ZDHHC15: variants seen among roughly 807,000 people sequenced by gnomAD.
ZDHHC15 encodes the protein palmitoyltransferase ZDHHC15.
A neutral mutation model predicts 31.7 loss-of-function variants in ZDHHC15; 19 were observed. The ratio of observed to expected loss-of-function variants is 0.60; its 90% CI spans 0.42 to 0.88. ZDHHC15 has a LOEUF of 0.88. Ranked by LOEUF, ZDHHC15 falls within the 40% of genes least tolerant of loss-of-function variation. The probability of loss-of-function intolerance (pLI) is 0.00; values close to 1 mark genes in which losing one functional copy is unlikely to be tolerated. For synonymous variants in ZDHHC15, 103 were observed against 90.0 expected (o/e 1.14, Z -0.82); for missense variants, 209 against 251.2 (o/e 0.83, Z 1.14).
intron 2 of ZDHHC15, among the ~76,000 whole-genome samples, chrX:75,492,873 T>G (rs2084922435): frequency 1.8e-5 from 2 of 111,021 alleles, no homozygotes; most frequent in African/African-American, 6.6e-5. Flanking sequence ...TTAAAAGAAC[T>G]AGAGAAGCAA....
At chrX:75,411,370 G>A (rs756520144) in intron 10 of ZDHHC15, among the ~76,000 whole-genome samples, 4 of 110,986 alleles carry the variant, frequency 3.6e-5, no homozygotes, top group African/African-American at 1.3e-4. Context: ...CCACCGCCAC[G>A]CCCGGCTAAT....
At chrX:75,483,741 G>C (rs2084731474) in intron 2 of ZDHHC15, among the ~76,000 whole-genome samples, 1 of 111,235 alleles carries the variant, frequency 9.0e-6, no homozygotes, top group South Asian at 3.8e-4. Flanking sequence ...ATGGATAGTT[G>C]AAATATCATT....
chrX:75,457,651 A>T (rs981171134), intron 3 of ZDHHC15, among the ~76,000 whole-genome samples: 2 of 108,565 alleles, frequency 1.8e-5, no homozygotes, highest in Non-Finnish European at 3.8e-5. Flanking sequence ...ACACTCACAC[A>T]CACACACACA....
intron 10 of ZDHHC15, among the ~76,000 whole-genome samples, chrX:75,398,874 C>CT (rs1417377630): frequency 1.8e-5 from 2 of 111,343 alleles, no homozygotes; most frequent in South Asian, 3.8e-4. Context: ...CAGGATCAGA[C>CT]TGCTTTTTAA....
chrX:75,433,697 G>GTA (rs779122973), intron 4 of ZDHHC15, among the ~76,000 whole-genome samples: 6 of 6,631 alleles, frequency 9.0e-4, no homozygotes, highest in Admixed American at 3.9e-3. Context: ...GTGTGTGTGT[G>GTA]TATATATATA....
In ZDHHC15 at chrX:75,411,808, T is replaced by G. The variant is rs909593455; in HGVS notation, c.967+5279A>C. On this transcript the variant is annotated intron_variant, in intron 10 of 11. Coordinates refer to ENST00000373367, the MANE Select transcript of ZDHHC15 (RefSeq NM_144969.3). Reference sequence around the variant, plus strand: ...AAAAAAAAGAAACAAGAAACTGGAATTTTGAAATCTTAAAAAAATGAAAAT... The same window carrying G: ...AAAAAAAAGAAACAAGAAACTGGAAGTTTGAAATCTTAAAAAAATGAAAAT... Among the ~76,000 whole-genome samples, 8 of 111,972 alleles carry G rather than the reference T, an allele frequency of 7.1e-5. No homozygotes were observed. The East Asian group carries it at 1.7e-3, about 23-fold the overall frequency.
intron 9 of ZDHHC15, among the ~76,000 whole-genome samples, chrX:75,418,209 T>C (rs2083571452): frequency 9.0e-6 from 1 of 111,555 alleles, no homozygotes; most frequent in African/African-American, 3.3e-5. Flanking sequence ...TATAGACAGG[T>C]TAGTTGGATA....
At chrX:75,424,438 G>T (rs998618132) in intron 8 of ZDHHC15, among the ~76,000 whole-genome samples, 1 of 111,010 alleles carries the variant, frequency 9.0e-6, no homozygotes, top group Non-Finnish European at 1.9e-5. Context: ...TCTGTGTGGG[G>T]TTTCATTAAA....
chrX:75,444,080 A>C (rs1395577986), intron 4 of ZDHHC15, among the ~76,000 whole-genome samples: 1 of 111,199 alleles, frequency 9.0e-6, no homozygotes, highest in East Asian at 2.8e-4. Context: ...GGGATCTAGA[A>C]CTAGAAATGC....
chrX:75,376,168 C>A (rs1290465369), intron 11 of ZDHHC15, among the ~76,000 whole-genome samples: 1 of 109,653 alleles, frequency 9.1e-6, no homozygotes, highest in African/African-American at 3.3e-5. Flanking sequence ...TGATGATGAG[C>A]ATTTTTTTTC....
rs139692885 is a variant in ZDHHC15, at chrX:75,469,053, CTTTT to C, written c.258+9834_258+9837del. 2.8e-3 allele frequency among the ~76,000 whole-genome samples: 293 copies of C among 106,459 alleles called. 1 individual carries two copies. Among genetic ancestry groups the C allele is most frequent in the Non-Finnish European group, 4.9e-3 (254 of 51,768 alleles). 92.4% of individuals were successfully genotyped at this position (106,459 alleles called of 115,157 possible). On this transcript the variant is annotated intron_variant, in intron 3 of 11. Transcript: ENST00000373367. Reference sequence around the variant, plus strand: ...ATAGTGTTGTTTGATGTACAAAAGGCTTTTTTTTTTAACTTTGATGAAGTCAAAT... The same window carrying C: ...ATAGTGTTGTTTGATGTACAAAAGGCTTTTTTAACTTTGATGAAGTCAAAT...
intron 1 of ZDHHC15, among the ~76,000 whole-genome samples, chrX:75,521,383 T>A (rs1219395908): frequency 1.8e-5 from 2 of 110,841 alleles, no homozygotes; most frequent in Non-Finnish European, 3.8e-5. Flanking sequence ...GACCCTATTG[T>A]AACAAGACAG....
At chrX:75,475,972 T>C (rs1393201022) in intron 3 of ZDHHC15, among the ~76,000 whole-genome samples, 1 of 111,805 alleles carries the variant, frequency 8.9e-6, no homozygotes, top group Non-Finnish European at 1.9e-5. Context: ...TTTTTGGTGC[T>C]ATTATAAATG....
At chrX:75,379,343 G>A in intron 10 of ZDHHC15, 145 bp from the exon 11 acceptor site, 1 of 538,158 alleles carries the variant, frequency 1.9e-6, no homozygotes, top group Non-Finnish European at 3.1e-6. Context: ...TAACACAGAA[G>A]CATTTGTAAC....
chrX:75,453,944 C>T (rs180689727), intron 3 of ZDHHC15, among the ~76,000 whole-genome samples: 1 of 111,440 alleles, frequency 9.0e-6, no homozygotes, highest in Non-Finnish European at 1.9e-5. Flanking sequence ...ACTGAATGGG[C>T]AAAAACTGGA....
intron 1 of ZDHHC15, among the ~76,000 whole-genome samples, chrX:75,514,868 G>T (rs978930538): frequency 2.7e-5 from 3 of 110,919 alleles, no homozygotes. Flanking sequence ...TCAAATAGAC[G>T]CAATAAAAAA....
At chrX:75,509,393 C>T (rs1309862881) in intron 1 of ZDHHC15, among the ~76,000 whole-genome samples, 1 of 111,885 alleles carries the variant, frequency 8.9e-6, no homozygotes, top group Admixed American at 9.5e-5. Flanking sequence ...GCTTCCAGAA[C>T]ATCTGAATCC....
chrX:75,450,587 G>T (rs111383950), intron 4 of ZDHHC15: 27,567 of 674,755 alleles, frequency 0.041, 546 homozygotes, highest in Non-Finnish European at 0.05. Context: ...GTTAGCAGAA[G>T]AATCCAGTTT....
chrX:75,386,714 C>A (rs2083183887), intron 10 of ZDHHC15, among the ~76,000 whole-genome samples: 1 of 112,356 alleles, frequency 8.9e-6, no homozygotes, highest in Non-Finnish European at 1.9e-5. Flanking sequence ...TGGGCTCAAG[C>A]AGTCTGCCAG....
Sources: gnomAD v4.1 joint callset for allele counts (sites outside exome capture counted in the v4.1 genomes callset) on GRCh38, gnomAD v4.1.1 for gene constraint, MANE v1.5 for transcripts, NCBI Gene and HGNC (gene_info 2026-07-23, HGNC 2026-07-21) for gene names.